Variants in ASMTL observed in about 807,000 individuals in gnomAD.
ASMTL encodes the protein acetylserotonin O-methyltransferase like.
In ASMTL, 57 loss-of-function variants were observed where a neutral mutation model predicts 60.3. That is an observed-to-expected ratio of 0.95 (90% CI 0.76 to 1.18). ASMTL has a LOEUF of 1.18. Among genes scored for constraint, ASMTL ranks in the 50% most tolerant of loss-of-function variants. The pLI, the probability that ASMTL is intolerant of heterozygous loss-of-function variation, is 0.00. For synonymous variants in ASMTL, 419 were observed against 373.0 expected, an observed-to-expected ratio of 1.12 and a Z score of -1.42; for missense variants, 981 against 852.6, an observed-to-expected ratio of 1.15 and a Z score of -1.88.
chrX:1,419,066 TG>T lies in ASMTL; in HGVS notation c.1293del (p.Met432CysfsTer4), dbSNP rs1384477439. The T allele has an allele frequency of 6.2e-7, 1 of 1,611,352 alleles. No individual in the cohort carries two copies. The highest frequency in any genetic ancestry group is 1.7e-5 in the Admixed American group (1 of 59,830). On this transcript the variant is annotated frameshift_variant, in exon 10 of 13. Coordinates refer to ENST00000381317, the MANE Select transcript of ASMTL (RefSeq NM_004192.4). LOFTEE classifies it high-confidence loss of function. ...GCAGTCAGCTTCGTCATGCCGTGCATGGCCCGCATGAACCTCAGCCGCGTCT... is the reference window on the plus strand; with the variant it reads ...GCAGTCAGCTTCGTCATGCCGTGCATGCCCGCATGAACCTCAGCCGCGTCT... Reference protein sequence around the residue: ...SPETRLRFMRAMHGMTKLTAC... With the variant: ...SPETRLRFMRXMHGMTKLTAC...
chrX:1,452,684 T>TGG, intron 1 of ASMTL, 64 bp downstream of exon 1: 1 of 1,383,236 alleles, frequency 7.2e-7, no homozygotes, highest in Non-Finnish European at 9.9e-7. Flanking sequence ...CCTGAGTCGC[T>TGG]GGGCCCTCCG....
intron 1 of ASMTL, among the ~76,000 whole-genome samples, chrX:1,449,825 CT>C (rs1160357791): frequency 2.0e-5 from 3 of 149,730 alleles, no homozygotes; most frequent in Admixed American, 6.6e-5. Context: ...AGTAACTATC[CT>C]CCCATCACCA....
At chrX:1,435,805 A>T in intron 3 of ASMTL, 47 bp from the exon 4 acceptor site, 1 of 1,539,208 alleles carries the variant, frequency 6.5e-7, no homozygotes, top group Non-Finnish European at 9.0e-7. Flanking sequence ...CGGCTGGGTC[A>T]GGCCTGTGCA....
chrX:1,420,340 T>C, intron 9 of ASMTL, among the ~76,000 whole-genome samples: 1 of 152,074 alleles, frequency 6.6e-6, no homozygotes, highest in African/African-American at 2.4e-5. Context: ...TCCATCTCTG[T>C]CTGTCTCTGT....
intron 1 of ASMTL, 42 bp downstream of exon 1, chrX:1,452,706 C>T: frequency 6.6e-7 from 1 of 1,525,944 alleles, no homozygotes; most frequent in African/African-American, 1.4e-5. Context: ...GGTTCAGCCC[C>T]TCCGTCCCCG....
At chrX:1,408,088 A>G (rs1318564309) in intron 12 of ASMTL, among the ~76,000 whole-genome samples, 2 of 151,014 alleles carry the variant, frequency 1.3e-5, no homozygotes, top group African/African-American at 4.9e-5. Context: ...GTACTCCCAA[A>G]TACTCGGGAG....
chrX:1,417,528 CACACACACATGCACACAG>C (rs1269060043), intron 11 of ASMTL, among the ~76,000 whole-genome samples: 1 of 136,960 alleles, frequency 7.3e-6, no homozygotes, highest in African/African-American at 2.6e-5. Context: ...GACATGCACA[CACACACACATGCACACAG>C]ACACACAAGC....
At chrX:1,449,071 AGT>A in intron 1 of ASMTL, among the ~76,000 whole-genome samples, 1 of 152,234 alleles carries the variant, frequency 6.6e-6, no homozygotes, top group East Asian at 1.9e-4. Context: ...CTAACACCTC[AGT>A]CAACTTTGCC....
At chrX:1,433,688 A>G (rs762360050) in intron 5 of ASMTL, among the ~76,000 whole-genome samples, 1 of 150,444 alleles carries the variant, frequency 6.6e-6, no homozygotes, top group East Asian at 2.0e-4. Flanking sequence ...ACAAAAAAGA[A>G]AAAAAAAAGA....
At chrX:1,445,227 G>A (rs1292787795) in intron 1 of ASMTL, among the ~76,000 whole-genome samples, 2 of 152,122 alleles carry the variant, frequency 1.3e-5, no homozygotes, top group East Asian at 1.9e-4. Context: ...CAGCTTGGCC[G>A]TCCTCCTTAT....
At chrX:1,452,277 A>T (rs2091415349) in intron 1 of ASMTL, among the ~76,000 whole-genome samples, 1 of 106,474 alleles carries the variant, frequency 9.4e-6, no homozygotes, top group African/African-American at 3.7e-5. Flanking sequence ...CCCCACCCCC[A>T]TCCCTAGGGG....
chrX:1,411,801 ATTTTCTTTTTTTTTT>A (rs1482442221), intron 12 of ASMTL, among the ~76,000 whole-genome samples: 1 of 92,382 alleles, frequency 1.1e-5, no homozygotes, highest in Non-Finnish European at 2.2e-5. Flanking sequence ...TCTCTTTAGG[ATTTTCTTTTTTTTTT>A]TTTTTTTTTT....
intron 5 of ASMTL, among the ~76,000 whole-genome samples, chrX:1,434,750 G>A (rs1432522324): frequency 1.5e-4 from 22 of 145,114 alleles, no homozygotes; most frequent in African/African-American, 4.4e-4. Flanking sequence ...AGCTGAGATC[G>A]TGCCACTGCC....
chrX:1,452,710 G>A (rs745587109), intron 1 of ASMTL, 38 bp downstream of exon 1: 29 of 1,530,948 alleles, frequency 1.9e-5, no homozygotes, highest in Middle Eastern at 2.3e-4. Context: ...CAGCCCCTCC[G>A]TCCCCGGTCC....
At chrX:1,419,176 TC>T in intron 9 of ASMTL, 62 bp from the exon 10 acceptor site, 1 of 1,582,126 alleles carries the variant, frequency 6.3e-7, no homozygotes, top group South Asian at 1.1e-5. Context: ...GCCCAGCCTC[TC>T]CCTGGGGGTC....
At chrX:1,407,709 C>A (rs2089917972) in intron 12 of ASMTL, among the ~76,000 whole-genome samples, 2 of 151,152 alleles carry the variant, frequency 1.3e-5, no homozygotes, top group African/African-American at 2.4e-5. Context: ...CATAGTGAGA[C>A]CCTGTCTCTA....
Position 1,452,831 on chromosome X carries a change from A to G in ASMTL, c.10T>C (p.Cys4Arg). The change falls in exon 1 of 13, where the codon TGC becomes CGC. Residue 4 changes from cysteine (C) to arginine (R), a missense_variant. Physicochemically the swap from Cys to Arg is radical, Grantham distance 180. Transcript: ENST00000381317. Reference protein sequence around the residue: MVLCPVIGKLLHKR... With the variant: MVLRPVIGKLLHKR... Reference sequence around the variant, plus strand: ...TGCAGCAGCTTCCCAATCACCGGGCACAGCACCATGGCGTCCACGCCGGGA... The same window carrying G: ...TGCAGCAGCTTCCCAATCACCGGGCGCAGCACCATGGCGTCCACGCCGGGA... The G allele has an allele frequency of 6.3e-7, 1 of 1,591,246 alleles. No individual in the cohort carries two copies. The highest frequency in any genetic ancestry group is 8.5e-7 in the Non-Finnish European group (1 of 1,175,956).
upstream of ASMTL, chrX:1,452,997 T>A: frequency 1.8e-6 from 1 of 569,822 alleles, no homozygotes; most frequent in South Asian, 2.2e-5. Flanking sequence ...GCGCCTTCAG[T>A]GGCCTCCCCG....
chrX:1,444,486 G>T (rs2091192760), intron 1 of ASMTL, among the ~76,000 whole-genome samples: 1 of 152,156 alleles, frequency 6.6e-6, no homozygotes, highest in African/African-American at 2.4e-5. Flanking sequence ...TGGGATTACA[G>T]ATGTGAGCCT....
Sources: gnomAD v4.1 joint callset for allele counts (sites outside exome capture counted in the v4.1 genomes callset) on GRCh38, gnomAD v4.1.1 for gene constraint, MANE v1.5 for transcripts, NCBI Gene and HGNC (gene_info 2026-07-23, HGNC 2026-07-21) for gene names.